FOXN3: variants seen among roughly 807,000 people sequenced by gnomAD.
FOXN3 encodes forkhead box N3, also known as forkhead box protein N3.
A neutral mutation model predicts 38.4 loss-of-function variants in FOXN3; 7 were observed. The ratio of observed to expected loss-of-function variants is 0.18; its 90% CI spans 0.10 to 0.34. The LOEUF (loss-of-function observed/expected upper bound fraction) is 0.34, where lower values mean the gene tolerates loss of function less well. Among genes scored for constraint, FOXN3 ranks in the 10% least tolerant of loss-of-function variants. The pLI is 1.00. For missense variants in FOXN3, 456 were observed against 613.4 expected, an observed-to-expected ratio of 0.74 and a Z score of 2.71; for synonymous variants, 230 against 242.2, an observed-to-expected ratio of 0.95 and a Z score of 0.47.
chr14:89,574,839 T>G (rs1393302885), intron 1 of FOXN3, among the ~76,000 whole-genome samples: 2 of 151,990 alleles, frequency 1.3e-5, no homozygotes, highest in Non-Finnish European at 2.9e-5. Context: ...ATTCTTAAAA[T>G]CTCTTCCCTA....
Position 89,412,968 on chromosome 14 carries a change from A to G in FOXN3, c.-14-478T>C, listed in dbSNP as rs558685295. 6.6e-6 allele frequency among the ~76,000 whole-genome samples: 1 copy of G among 152,324 alleles called. No individual in the cohort carries two copies. Among genetic ancestry groups the G allele is most frequent in the South Asian group, 2.1e-4 (1 of 4,830 alleles). ...TAACTGAAATTAGAGCTGGTGAAAA[A>G]AGTCAGGAGAGCAACTGCCAGTTTC... On this transcript the variant is annotated intron_variant, in intron 1 of 5. Transcript: ENST00000557258. This position sits in a 1 kb window ranked among gnomAD's most constrained non-coding sequence, Gnocchi z 4.7.
chr14:89,243,492 G>A (rs1232562656), intron 4 of FOXN3, among the ~76,000 whole-genome samples: 1 of 152,098 alleles, frequency 6.6e-6, no homozygotes, highest in African/African-American at 2.4e-5. Context: ...TTTTAACCTA[G>A]ATACAGTTGT....
chr14:89,201,974 A>G (rs12323743), intron 4 of FOXN3, among the ~76,000 whole-genome samples: 5,499 of 152,128 alleles, frequency 0.036, 344 homozygotes, highest in African/African-American at 0.12. Flanking sequence ...ATCTTCATTA[A>G]CTCTGTCTTC....
chr14:89,277,234 C>T lies in FOXN3; in HGVS notation c.745+3716G>A, dbSNP rs562874868. Among the ~76,000 whole-genome samples, 108 of 152,182 alleles carry T rather than the reference C, an allele frequency of 7.1e-4. 1 individual carries two copies. In the South Asian group the frequency reaches 0.021, roughly 30 times the overall value. On this transcript the variant is annotated intron_variant, in intron 4 of 5. Coordinates refer to ENST00000557258, the MANE Select transcript of FOXN3 (RefSeq NM_005197.4). ...GAACACGTTTCAAACACATAGAGAC[C>T]GTAACACAGAGACACACAGACACAA...
At chr14:89,489,367 C>A (rs969144091) in intron 1 of FOXN3, among the ~76,000 whole-genome samples, 3 of 152,178 alleles carry the variant, frequency 2.0e-5, no homozygotes, top group African/African-American at 7.2e-5. Flanking sequence ...ACTTGTTATC[C>A]TACTGGCCTT....
At chr14:89,498,285 C>T (rs780546577) in intron 1 of FOXN3, among the ~76,000 whole-genome samples, 6 of 137,870 alleles carry the variant, frequency 4.4e-5, no homozygotes, top group Admixed American at 1.6e-4. Flanking sequence ...GGTACGATCT[C>T]GATCTCGGCT....
intron 1 of FOXN3, among the ~76,000 whole-genome samples, chr14:89,439,345 G>T (rs369123580): frequency 2.0e-5 from 3 of 152,246 alleles, no homozygotes; most frequent in East Asian, 3.9e-4. Context: ...TGAAATGAGA[G>T]GTCAGCACAA....
At chr14:89,330,032 T>G (rs1888202810) in intron 3 of FOXN3, among the ~76,000 whole-genome samples, 1 of 152,130 alleles carries the variant, frequency 6.6e-6, no homozygotes, top group Admixed American at 6.5e-5. Context: ...GTGGTAAAGT[T>G]CAATGTAACA....
intron 1 of FOXN3, among the ~76,000 whole-genome samples, chr14:89,541,411 C>A (rs1192928155): frequency 6.6e-6 from 1 of 152,170 alleles, no homozygotes; most frequent in African/African-American, 2.4e-5. Context: ...CCAAAACCCA[C>A]CAAAACCAAG....
At chr14:89,509,117 T>TA (rs1372825837) in intron 1 of FOXN3, among the ~76,000 whole-genome samples, 36 of 151,922 alleles carry the variant, frequency 2.4e-4, no homozygotes, top group Admixed American at 2.4e-3. Context: ...ACCTCCCTGA[T>TA]AGTCTTGGAG....
intron 1 of FOXN3, among the ~76,000 whole-genome samples, chr14:89,453,488 A>C (rs1243705574): frequency 6.9e-6 from 1 of 145,642 alleles, no homozygotes; most frequent in Non-Finnish European, 1.5e-5. Flanking sequence ...TGAACCCGGC[A>C]GGCAAAGCTT....
At chr14:89,521,406 G>T (rs1224303221) in intron 1 of FOXN3, among the ~76,000 whole-genome samples, 2 of 151,106 alleles carry the variant, frequency 1.3e-5, no homozygotes, top group African/African-American at 4.9e-5. Flanking sequence ...AAAAAGAATA[G>T]AAGAGAATCA....
At position 89,459,630 on chromosome 14, in the gene FOXN3, A is replaced by G. The variant is rs1286493239; in HGVS notation, c.-14-47140T>C. ...ACTTCTTGTTCATCCAGCAAGGCAGAGAGGCTAGCCCCAGAGAAGAGGCTG... is the reference window on the plus strand; with the variant it reads ...ACTTCTTGTTCATCCAGCAAGGCAGGGAGGCTAGCCCCAGAGAAGAGGCTG... On this transcript the variant is annotated intron_variant, in intron 1 of 6. Coordinates refer to the FOXN3 transcript ENST00000345097. Among the ~76,000 whole-genome samples the G allele has an allele frequency of 3.3e-5, 5 of 152,314 alleles. No individual in the cohort carries two copies. The South Asian group carries it at 6.2e-4, about 19-fold the overall frequency.
At chr14:89,408,783 G>A (rs1278816684) in intron 2 of FOXN3, among the ~76,000 whole-genome samples, 2 of 152,084 alleles carry the variant, frequency 1.3e-5, no homozygotes, top group African/African-American at 4.8e-5. Flanking sequence ...AGGTTTCAAT[G>A]TTCTCGTTCA....
chr14:89,405,219 C>T (rs1019401330), intron 2 of FOXN3, among the ~76,000 whole-genome samples: 1 of 152,130 alleles, frequency 6.6e-6, no homozygotes, highest in African/African-American at 2.4e-5. Context: ...TCACCGCAAC[C>T]TCTGCCTCCC....
At chr14:89,507,907 T>C (rs1893979636) in intron 1 of FOXN3, among the ~76,000 whole-genome samples, 1 of 152,154 alleles carries the variant, frequency 6.6e-6, no homozygotes, top group South Asian at 2.1e-4. Context: ...GTAGAAATGA[T>C]TGTAACTGTT....
intron 4 of FOXN3, among the ~76,000 whole-genome samples, chr14:89,217,881 T>C (rs1265333063): frequency 6.6e-6 from 1 of 152,194 alleles, no homozygotes; most frequent in Non-Finnish European, 1.5e-5. Flanking sequence ...CCTGGCTCGC[T>C]ATGCTGGTGG....
rs1322654679 is a variant in FOXN3 at position 89,160,749 on chromosome 14, T to C, written c.*1665A>G. 1 of 152,390 alleles carries C rather than the reference T, an allele frequency of 6.6e-6. No homozygotes were observed. The highest frequency in any genetic ancestry group is 1.5e-5 in the Non-Finnish European group (1 of 68,014). 9.4% of individuals were successfully genotyped at this position (152,390 alleles called of 1,614,324 possible). On this transcript the variant is annotated 3_prime_UTR_variant, in exon 6 of 6. Coordinates refer to ENST00000557258, the MANE Select transcript of FOXN3 (RefSeq NM_005197.4). The stretch of plus-strand genomic sequence containing the variant: ...AAGTGCACACAAGGCAGTACAGAGT[T>C]CAACCATCCAAGCCCTACCAGAGCA...
rs1264641920 is a variant in FOXN3 at position 89,326,947 on chromosome 14, C to A, written c.680+23725G>T. Among the ~76,000 whole-genome samples, 9 of 152,318 alleles carry A rather than the reference C, an allele frequency of 5.9e-5. No homozygotes were observed. In the East Asian group the frequency reaches 1.7e-3, roughly 29 times the overall value. On this transcript the variant is annotated intron_variant, in intron 3 of 5. Coordinates refer to ENST00000557258, the MANE Select transcript of FOXN3 (RefSeq NM_005197.4). ...CATTGTGATCCATCTATCCCGCCAA[C>A]ATTTCCCGGGTACGTAATATGCACA...
Sources: gnomAD v4.1 joint callset for allele counts (sites outside exome capture counted in the v4.1 genomes callset) on GRCh38, gnomAD v4.1.1 for gene constraint, Gnocchi (gnomAD v3.1) non-coding constraint, MANE v1.5 for transcripts, NCBI Gene and HGNC (gene_info 2026-07-23, HGNC 2026-07-21) for gene names.